FHIT: variants seen among roughly 807,000 people sequenced by gnomAD.
FHIT encodes bis(5'-adenosyl)-triphosphatase.
FHIT carries 19 observed loss-of-function variants against 17.9 expected under a neutral mutation model. The observed-to-expected ratio is 1.06, with a 90% CI of 0.74 to 1.56. The LOEUF (loss-of-function observed/expected upper bound fraction) is 1.56, where lower values mean the gene tolerates loss of function less well. Among genes scored for constraint, FHIT ranks in the 40% most tolerant of loss-of-function variants. The probability of loss-of-function intolerance (pLI) is 0.00; values close to 1 mark genes in which losing one functional copy is unlikely to be tolerated. For synonymous variants in FHIT, 81 were observed against 69.7 expected, an observed-to-expected ratio of 1.16 and a Z score of -0.81; for missense variants, 248 against 189.2, an observed-to-expected ratio of 1.31 and a Z score of -1.82.
chr3:60,583,038 T>C (rs1305317271), intron 4 of FHIT, among the ~76,000 whole-genome samples: 1 of 151,792 alleles, frequency 6.6e-6, no homozygotes, highest in South Asian at 2.1e-4. Flanking sequence ...ACATGGTCCC[T>C]ATGCGTAAGA....
In FHIT at chr3:61,051,309, C is replaced by T. The variant is rs549144546; in HGVS notation, c.-163-9210G>A. 3.3e-5 allele frequency among the ~76,000 whole-genome samples: 5 copies of T among 152,248 alleles called. No individual in the cohort carries two copies. The South Asian group carries it at 6.2e-4, about 19-fold the overall frequency. On this transcript the variant is annotated intron_variant, in intron 2 of 9. Transcript: ENST00000492590. ...TTTTTGAGACAGGGTCTCAATCCCTCGTCCAGACTGGAGTGCAGTGGCAGG... is the reference window on the plus strand; with the variant it reads ...TTTTTGAGACAGGGTCTCAATCCCTTGTCCAGACTGGAGTGCAGTGGCAGG...
In FHIT at chr3:61,231,242, C is replaced by G. The variant is rs569221645; in HGVS notation, c.-213+20059G>C. Reference sequence around the variant, plus strand: ...GTGTGCAATGGCTCATGCCTGAAACCCCATTTTGGAAGGCCAAGGTGGGAG... The same window carrying G: ...GTGTGCAATGGCTCATGCCTGAAACGCCATTTTGGAAGGCCAAGGTGGGAG... On this transcript the variant is annotated intron_variant, in intron 1 of 9. Coordinates refer to ENST00000492590, the MANE Select transcript of FHIT (RefSeq NM_002012.4). Among the ~76,000 whole-genome samples, 6 of 152,110 alleles carry G rather than the reference C, an allele frequency of 3.9e-5. 1 individual carries two copies. The highest frequency in any genetic ancestry group is 3.3e-4 in the Admixed American group (5 of 15,288).
At chr3:61,209,525 AT>A (rs147029808) in intron 1 of FHIT, among the ~76,000 whole-genome samples, 1 of 151,196 alleles carries the variant, frequency 6.6e-6, no homozygotes. Context: ...TCTTTTTATT[AT>A]TTTTTTTCTA....
chr3:60,338,863 C>G (rs1347470651), intron 5 of FHIT, among the ~76,000 whole-genome samples: 7 of 152,066 alleles, frequency 4.6e-5, no homozygotes. Context: ...AGAAAAGAGG[C>G]TGGGGAATGG....
chr3:60,430,277 C>T (rs1702833755), intron 5 of FHIT, among the ~76,000 whole-genome samples: 1 of 152,076 alleles, frequency 6.6e-6, no homozygotes, highest in African/African-American at 2.4e-5. Flanking sequence ...GTACCTCTTA[C>T]TAGCACTTAA....
intron 4 of FHIT, among the ~76,000 whole-genome samples, chr3:60,568,520 A>T (rs945687885): frequency 2.6e-5 from 4 of 152,066 alleles, no homozygotes; most frequent in African/African-American, 9.7e-5. Flanking sequence ...TCACGAGTTG[A>T]TGGGTGCAGC....
chr3:59,974,551 GT>G (rs1460413487), intron 7 of FHIT, among the ~76,000 whole-genome samples: 1 of 152,056 alleles, frequency 6.6e-6, no homozygotes, highest in African/African-American at 2.4e-5. Context: ...GCATTTCCTT[GT>G]GCTTAATACT....
chr3:60,562,175 C>A lies in FHIT; in HGVS notation c.-17-25196G>T, dbSNP rs186616082. On this transcript the variant is annotated intron_variant, in intron 4 of 9. Coordinates refer to ENST00000492590, the MANE Select transcript of FHIT (RefSeq NM_002012.4). Reference sequence around the variant, plus strand: ...ATCATGGAGCTCATTATTTATCTGTCTTATAATTAATCTATATTACTTTAT... The same window carrying A: ...ATCATGGAGCTCATTATTTATCTGTATTATAATTAATCTATATTACTTTAT... Among the ~76,000 whole-genome samples the A allele has an allele frequency of 1.3e-3, 191 of 152,270 alleles. 1 individual carries two copies. The highest frequency in any genetic ancestry group is 2.3e-3 in the Non-Finnish European group (157 of 68,014).
chr3:60,499,677 CCT>C (rs2034445309), intron 5 of FHIT, among the ~76,000 whole-genome samples: 1 of 152,324 alleles, frequency 6.6e-6, no homozygotes, highest in South Asian at 2.1e-4. Flanking sequence ...CCGCGCCCGG[CCT>C]CTCTGTGTTT....
intron 8 of FHIT, among the ~76,000 whole-genome samples, chr3:59,898,420 A>T (rs1012638532): frequency 6.6e-6 from 1 of 150,448 alleles, no homozygotes; most frequent in Non-Finnish European, 1.5e-5. Context: ...CCATATTTGT[A>T]TATATGTGTG....
At chr3:59,879,835 C>T (rs916394011) in intron 8 of FHIT, among the ~76,000 whole-genome samples, 2 of 152,102 alleles carry the variant, frequency 1.3e-5, no homozygotes, top group Non-Finnish European at 2.9e-5. Flanking sequence ...GAACTCTCCT[C>T]CAATACTTTT....
At chr3:61,242,259 A>G (rs969543322) in intron 1 of FHIT, among the ~76,000 whole-genome samples, 2 of 152,066 alleles carry the variant, frequency 1.3e-5, no homozygotes, top group East Asian at 3.9e-4. Flanking sequence ...GTTGAAGGCA[A>G]TTAAGAACAG....
At chr3:59,804,978 A>G (rs935380714) in intron 8 of FHIT, among the ~76,000 whole-genome samples, 11 of 152,246 alleles carry the variant, frequency 7.2e-5, no homozygotes, top group African/African-American at 2.2e-4. Flanking sequence ...CTCTAATCTT[A>G]GAGTCTAGTG....
intron 5 of FHIT, among the ~76,000 whole-genome samples, chr3:60,473,466 A>G (rs921449512): frequency 1.3e-5 from 2 of 152,174 alleles, no homozygotes; most frequent in African/African-American, 4.8e-5. Flanking sequence ...GAATAAATAC[A>G]ATGTGAAGAG....
chr3:61,231,166 A>G (rs2040090431), intron 1 of FHIT, among the ~76,000 whole-genome samples: 1 of 152,210 alleles, frequency 6.6e-6, no homozygotes, highest in Admixed American at 6.5e-5. Context: ...ACTGCATGTG[A>G]ATCTAGAACT....
At chr3:60,310,093 G>A (rs1252209392) in intron 5 of FHIT, among the ~76,000 whole-genome samples, 1 of 151,990 alleles carries the variant, frequency 6.6e-6, no homozygotes, top group African/African-American at 2.4e-5. Flanking sequence ...AGTAAACAAA[G>A]GCAACCTTTA....
intron 7 of FHIT, among the ~76,000 whole-genome samples, chr3:59,925,663 C>A (rs1705624024): frequency 6.6e-6 from 1 of 152,164 alleles, no homozygotes; most frequent in Non-Finnish European, 1.5e-5. Flanking sequence ...TCACTGGTAA[C>A]CACTTGAAAT....
intron 5 of FHIT, among the ~76,000 whole-genome samples, chr3:60,064,258 T>C (rs762542302): frequency 6.6e-6 from 1 of 152,212 alleles, no homozygotes; most frequent in South Asian, 2.1e-4. Context: ...TAAAACTATG[T>C]TGTTTATAAC....
intron 5 of FHIT, among the ~76,000 whole-genome samples, chr3:60,111,088 G>C (rs531372631): frequency 1.3e-5 from 2 of 152,024 alleles, no homozygotes; most frequent in South Asian, 4.2e-4. Context: ...TGATCTGATA[G>C]GCCAAGAAGA....
Sources: allele counts gnomAD v4.1 joint callset (sites outside exome capture counted in the v4.1 genomes callset), GRCh38; gene constraint gnomAD v4.1.1; transcripts MANE v1.5; gene names NCBI Gene and HGNC (gene_info 2026-07-23, HGNC 2026-07-21).